Variants in ADIPOR2 observed in about 807,000 individuals in gnomAD.
ADIPOR2 encodes adiponectin receptor protein 2.
Under a neutral mutation model 40.9 loss-of-function variants are expected in ADIPOR2, and 18 were observed. The observed-to-expected ratio is 0.44, with a 90% CI of 0.30 to 0.65. ADIPOR2 has a LOEUF of 0.65. ADIPOR2 is among the 30% of genes least tolerant of loss of function. The pLI is 0.09. For synonymous variants in ADIPOR2, 165 were observed against 166.4 expected, an observed-to-expected ratio of 0.99 and a Z score of 0.06; for missense variants, 283 against 479.2, an observed-to-expected ratio of 0.59 and a Z score of 3.82.
At chr12:1,720,168 G>A (rs1592585938) in intron 1 of ADIPOR2, among the ~76,000 whole-genome samples, 1 of 152,284 alleles carries the variant, frequency 6.6e-6, no homozygotes, top group African/African-American at 2.4e-5. Flanking sequence ...TAAGCCTGGG[G>A]AGGTCAGGGA....
chr12:1,751,834 A>G (rs571670753), intron 1 of ADIPOR2, among the ~76,000 whole-genome samples: 2 of 150,990 alleles, frequency 1.3e-5, no homozygotes, highest in African/African-American at 4.9e-5. Flanking sequence ...GTGCGTTTAT[A>G]GTCTCATAAA....
At chr12:1,696,413 GGTTACAGCGTCTTACTCT>G (rs2094639004) in intron 1 of ADIPOR2, 3 of 93,972 alleles carry the variant, frequency 3.2e-5, no homozygotes, top group African/African-American at 4.5e-5. Flanking sequence ...TTTTTTTTTT[GGTTACAGCGTCTTACTCT>G]GTTGCCCAGA....
At chr12:1,702,852 G>A (rs2094653253) in intron 1 of ADIPOR2, 1 of 152,144 alleles carries the variant, frequency 6.6e-6, no homozygotes, top group African/African-American at 2.4e-5. Context: ...TTCTCCTCAT[G>A]CACATTAACA....
At position 1,729,409 on chromosome 12, in the gene ADIPOR2, C is replaced by A. The variant is rs190426719; in HGVS notation, c.-86-24849C>A. On this transcript the variant is annotated intron_variant, in intron 1 of 7. Transcript: ENST00000357103. ...CATTGGGACTTTAAGGAATGATAGCCATAGGAAGGGATATATCTTATATTA... is the reference window on the plus strand; with the variant it reads ...CATTGGGACTTTAAGGAATGATAGCAATAGGAAGGGATATATCTTATATTA... Among the ~76,000 whole-genome samples, 716 of 151,682 alleles carry A rather than the reference C, an allele frequency of 4.7e-3. 1 individual carries two copies. Among genetic ancestry groups the A allele is most frequent in the Non-Finnish European group, 5.6e-3 (380 of 67,904 alleles).
At chr12:1,695,070 T>C (rs2094635529) in intron 1 of ADIPOR2, among the ~76,000 whole-genome samples, 1 of 150,182 alleles carries the variant, frequency 6.7e-6, no homozygotes, top group East Asian at 2.0e-4. Flanking sequence ...CAGGCTGGAG[T>C]GCACTGGTGC....
intron 1 of ADIPOR2, among the ~76,000 whole-genome samples, chr12:1,750,403 T>TAA (rs35910957): frequency 7.4e-6 from 1 of 135,404 alleles, no homozygotes. Flanking sequence ...TACAAGAAAT[T>TAA]AAAAAAAAAA....
At chr12:1,777,156 A>G (rs954697931) in intron 3 of ADIPOR2, among the ~76,000 whole-genome samples, 6 of 152,166 alleles carry the variant, frequency 3.9e-5, no homozygotes, top group Admixed American at 1.3e-4. Flanking sequence ...CAATAGGAAT[A>G]TTAAATATAA....
chr12:1,758,438 T>C (rs1862194768), intron 2 of ADIPOR2, among the ~76,000 whole-genome samples: 1 of 152,230 alleles, frequency 6.6e-6, no homozygotes, highest in Admixed American at 6.5e-5. Flanking sequence ...TCATCTTGTT[T>C]GCCTTCCTCA....
Position 1,783,785 on chromosome 12 carries a change from T to A in ADIPOR2, c.839-95T>A, listed in dbSNP as rs1012017093. The A allele has an allele frequency of 2.9e-5, 30 of 1,038,856 alleles. 1 individual carries two copies. The highest frequency in any genetic ancestry group is 2.7e-6 in the Non-Finnish European group (2 of 744,136). 64.4% of individuals were successfully genotyped at this position (1,038,856 alleles called of 1,614,324 possible). A position where few individuals can be genotyped will look rare whatever the true frequency, so the allele number is the denominator to read the frequency against. On this transcript the variant is annotated intron_variant, in intron 6 of 7. Transcript: ENST00000357103. Reference sequence around the variant, plus strand: ...AATTTTATATGCTACTTTGAAATATTCAGTTTACAGAGTTAATGGTGCTGT... The same window carrying A: ...AATTTTATATGCTACTTTGAAATATACAGTTTACAGAGTTAATGGTGCTGT...
intron 2 of ADIPOR2, among the ~76,000 whole-genome samples, chr12:1,770,373 A>G (rs540459295): frequency 3.8e-4 from 58 of 152,334 alleles, no homozygotes; most frequent in African/African-American, 1.4e-3. Context: ...GCTGACAGTA[A>G]TTTGTATGAG....
chr12:1,712,340 T>G (rs933351837), intron 1 of ADIPOR2, among the ~76,000 whole-genome samples: 1 of 152,126 alleles, frequency 6.6e-6, no homozygotes, highest in Admixed American at 6.5e-5. Context: ...CAGGCGGTTG[T>G]CTGATAGCCA....
intron 1 of ADIPOR2, among the ~76,000 whole-genome samples, chr12:1,727,744 A>G (rs2094710839): frequency 2.0e-5 from 3 of 151,682 alleles, no homozygotes; most frequent in Non-Finnish European, 4.4e-5. Context: ...TTCTCTTCCT[A>G]TGCACCAGGG....
chr12:1,715,919 C>T (rs774045164), intron 1 of ADIPOR2, among the ~76,000 whole-genome samples: 2 of 152,062 alleles, frequency 1.3e-5, no homozygotes, highest in Non-Finnish European at 2.9e-5. Flanking sequence ...TGGAGGGGGA[C>T]AAATAAGGGA....
intron 1 of ADIPOR2, among the ~76,000 whole-genome samples, chr12:1,731,833 G>A (rs912264958): frequency 6.6e-6 from 1 of 152,126 alleles, no homozygotes; most frequent in African/African-American, 2.4e-5. Context: ...GGTGGCTGGC[G>A]TGTGCTTGTA....
Position 1,754,686 on chromosome 12 carries a change from TTTATTATTA to T in ADIPOR2, c.171+179_171+187del, listed in dbSNP as rs139616464. Among the ~76,000 whole-genome samples, 306 of 110,098 alleles carry T rather than the reference TTTATTATTA, an allele frequency of 2.8e-3. 2 individuals are homozygous for T. Among genetic ancestry groups the T allele is most frequent in the African/African-American group, 4.2e-3 (142 of 34,210 alleles). 72.2% of individuals were successfully genotyped at this position (110,098 alleles called of 152,430 possible). Reference sequence around the variant, plus strand: ...TCTGGATAACTTGAAGTCTCTTATCTTTATTATTATTATTACTACTACTACTACTACTAC... The same window carrying T: ...TCTGGATAACTTGAAGTCTCTTATCTTTATTACTACTACTACTACTACTAC... On this transcript the variant is annotated intron_variant, in intron 2 of 7. Coordinates refer to ENST00000357103, the MANE Select transcript of ADIPOR2 (RefSeq NM_024551.3).
intron 1 of ADIPOR2, among the ~76,000 whole-genome samples, chr12:1,704,182 TA>T (rs2094657225): frequency 6.6e-6 from 1 of 152,140 alleles, no homozygotes; most frequent in African/African-American, 2.4e-5. Flanking sequence ...TAATAATTTT[TA>T]AAAGCAGCTC....
chr12:1,739,854 A>C (rs538497175), intron 1 of ADIPOR2, among the ~76,000 whole-genome samples: 1 of 152,368 alleles, frequency 6.6e-6, no homozygotes, highest in African/African-American at 2.4e-5. Flanking sequence ...TAATCCCAGC[A>C]CTTTGGGAGG....
chr12:1,746,100 C>T (rs2094754442), intron 1 of ADIPOR2, among the ~76,000 whole-genome samples: 1 of 151,898 alleles, frequency 6.6e-6, no homozygotes, highest in African/African-American at 2.4e-5. Flanking sequence ...TATTTTAGGT[C>T]TAAGGACATG....
intron 7 of ADIPOR2, among the ~76,000 whole-genome samples, chr12:1,784,589 C>CT (rs1330811146): frequency 2.6e-5 from 4 of 152,158 alleles, no homozygotes; most frequent in African/African-American, 9.6e-5. Context: ...CTATCAGGGT[C>CT]TTTTTTTATA....
Sources: allele counts gnomAD v4.1 joint callset (sites outside exome capture counted in the v4.1 genomes callset), GRCh38; gene constraint gnomAD v4.1.1; transcripts MANE v1.5; gene names NCBI Gene and HGNC (gene_info 2026-07-23, HGNC 2026-07-21).